Variants in CNTNAP5 observed in about 807,000 individuals in gnomAD.
The protein encoded by CNTNAP5 is contactin-associated protein-like 5.
A neutral mutation model predicts 150.2 loss-of-function variants in CNTNAP5; 72 were observed. The observed-to-expected ratio is 0.48, with a 90% confidence interval of 0.40 to 0.58. The LOEUF is 0.58. Among genes scored for constraint, CNTNAP5 ranks in the 20% least tolerant of loss-of-function variants. The probability of loss-of-function intolerance (pLI) is 0.00; values close to 1 mark genes in which losing one functional copy is unlikely to be tolerated. For missense variants in CNTNAP5, 1,636 were observed against 1,626.2 expected (o/e 1.01, Z -0.10); for synonymous variants, 672 against 619.8 (o/e 1.08, Z -1.25).
At chr2:124,750,278 G>C (rs1465462568) in intron 14 of CNTNAP5, among the ~76,000 whole-genome samples, 1 of 152,122 alleles carries the variant, frequency 6.6e-6, no homozygotes, top group Non-Finnish European at 1.5e-5. Context: ...CCCCTCTTAA[G>C]GATGCCTGAC....
chr2:124,651,444 T>G (rs1678320951), intron 13 of CNTNAP5, among the ~76,000 whole-genome samples: 1 of 152,190 alleles, frequency 6.6e-6, no homozygotes, highest in African/African-American at 2.4e-5. Context: ...ATGTGTGGGG[T>G]GAGCTACTGG....
intron 19 of CNTNAP5, among the ~76,000 whole-genome samples, chr2:124,815,258 G>T (rs1682337907): frequency 6.6e-6 from 1 of 152,204 alleles, no homozygotes; most frequent in Non-Finnish European, 1.5e-5. Flanking sequence ...AATAAGCACT[G>T]GTTTCATAGC....
At chr2:124,095,308 C>A (rs1336684402) in intron 1 of CNTNAP5, among the ~76,000 whole-genome samples, 2 of 152,098 alleles carry the variant, frequency 1.3e-5, no homozygotes, top group Non-Finnish European at 2.9e-5. Context: ...AACACATGGA[C>A]ATGAGGAGGG....
chr2:124,551,730 A>G (rs1434128934), intron 10 of CNTNAP5, among the ~76,000 whole-genome samples: 1 of 152,210 alleles, frequency 6.6e-6, no homozygotes, highest in African/African-American at 2.4e-5. Context: ...ATGTATAGAG[A>G]ATCATTTATC....
At chr2:124,899,759 C>A (rs1160416566) in intron 21 of CNTNAP5, among the ~76,000 whole-genome samples, 1 of 151,252 alleles carries the variant, frequency 6.6e-6, no homozygotes, top group Admixed American at 6.6e-5. Context: ...TCTAACACAG[C>A]ACATGAAACA....
chr2:124,245,698 CACACAAA>C (rs1687002872), intron 3 of CNTNAP5, among the ~76,000 whole-genome samples: 1 of 110,662 alleles, frequency 9.0e-6, no homozygotes, highest in African/African-American at 3.7e-5. Flanking sequence ...TATATATATA[CACACAAA>C]TATATATTTA....
At chr2:124,406,210 C>A (rs374971272) in intron 3 of CNTNAP5, among the ~76,000 whole-genome samples, 52 of 152,306 alleles carry the variant, frequency 3.4e-4, no homozygotes, top group African/African-American at 1.1e-3. Flanking sequence ...ACGGTTTTAA[C>A]TAAGACCTAT....
chr2:124,211,257 G>T (rs1686002943), intron 1 of CNTNAP5, among the ~76,000 whole-genome samples: 1 of 152,158 alleles, frequency 6.6e-6, no homozygotes, highest in African/African-American at 2.4e-5. Context: ...AACTGGAGAT[G>T]ATCCACTTAG....
intron 1 of CNTNAP5, among the ~76,000 whole-genome samples, chr2:124,194,398 TATATATATATATAA>T (rs1420983439): frequency 0.021 from 193 of 9,132 alleles, 3 homozygotes; most frequent in Non-Finnish European, 0.029. Context: ...TATATATATA[TATATATATATATAA>T]ATATAAATAG....
intron 17 of CNTNAP5, among the ~76,000 whole-genome samples, chr2:124,785,781 G>A (rs1040230047): frequency 6.6e-6 from 1 of 152,190 alleles, no homozygotes; most frequent in Non-Finnish European, 1.5e-5. Flanking sequence ...TTTCCAAAGG[G>A]TATCAAACAC....
At chr2:124,439,451 A>G (rs571872047) in intron 5 of CNTNAP5, among the ~76,000 whole-genome samples, 1 of 152,226 alleles carries the variant, frequency 6.6e-6, no homozygotes. Context: ...CATCAAAATC[A>G]TATAACAAAT....
chr2:124,131,315 G>C (rs1431699955), intron 1 of CNTNAP5, among the ~76,000 whole-genome samples: 1 of 152,126 alleles, frequency 6.6e-6, no homozygotes, highest in Non-Finnish European at 1.5e-5. Flanking sequence ...TATGCAAAAG[G>C]CACCTTGTTG....
intron 13 of CNTNAP5, among the ~76,000 whole-genome samples, chr2:124,683,906 G>C (rs918314055): frequency 3.3e-5 from 5 of 152,124 alleles, no homozygotes. Context: ...TCTACATGAT[G>C]CCACTGGGAG....
intron 19 of CNTNAP5, among the ~76,000 whole-genome samples, chr2:124,840,815 C>T (rs1236440484): frequency 6.6e-6 from 1 of 152,036 alleles, no homozygotes; most frequent in Non-Finnish European, 1.5e-5. Context: ...ATGAAAGTGC[C>T]TGGAGCCAGC....
At chr2:124,438,428 A>G (rs75960928) in intron 5 of CNTNAP5, among the ~76,000 whole-genome samples, 2,621 of 152,276 alleles carry the variant, frequency 0.017, 126 homozygotes, top group East Asian at 0.11. Context: ...AGACAACAAT[A>G]GTACATGCAG....
chr2:124,584,766 A>G (rs1176498752), intron 11 of CNTNAP5, among the ~76,000 whole-genome samples: 2 of 152,236 alleles, frequency 1.3e-5, no homozygotes, highest in African/African-American at 2.4e-5. Flanking sequence ...GATGCCTTCA[A>G]ATAACTTCCA....
At chr2:124,069,874 G>T (rs531718770) in intron 1 of CNTNAP5, among the ~76,000 whole-genome samples, 1 of 152,076 alleles carries the variant, frequency 6.6e-6, no homozygotes, top group Admixed American at 6.6e-5. Flanking sequence ...AATAGTAAGC[G>T]CACAGAGAAA....
At chr2:124,330,029 T>G (rs1244556490) in intron 3 of CNTNAP5, among the ~76,000 whole-genome samples, 2 of 152,172 alleles carry the variant, frequency 1.3e-5, no homozygotes, top group African/African-American at 2.4e-5. Flanking sequence ...CGCCCCAAAA[T>G]TGTACCTGTA....
intron 18 of CNTNAP5, among the ~76,000 whole-genome samples, chr2:124,790,816 G>A (rs1012069472): frequency 2.0e-5 from 3 of 152,130 alleles, no homozygotes; most frequent in Non-Finnish European, 2.9e-5. Context: ...CCTTGGACAA[G>A]GAATGAGGAT....
Sources: allele counts gnomAD v4.1 joint callset (sites outside exome capture counted in the v4.1 genomes callset), GRCh38; gene constraint gnomAD v4.1.1; transcripts MANE v1.5; gene names NCBI Gene and HGNC (gene_info 2026-07-23, HGNC 2026-07-21).